Variants in PDE1A observed in about 807,000 individuals in gnomAD.
PDE1A encodes dual specificity calcium/calmodulin-dependent 3',5'-cyclic nucleotide phosphodiesterase 1A.
In PDE1A, 35 loss-of-function variants were observed where a neutral mutation model predicts 61.7. That is an observed-to-expected ratio of 0.57 (90% CI 0.43 to 0.75). PDE1A has a LOEUF of 0.75. Among genes scored for constraint, PDE1A ranks in the 30% least tolerant of loss-of-function variants. PDE1A has a pLI of 0.00. For synonymous variants in PDE1A, 232 were observed against 213.2 expected, an observed-to-expected ratio of 1.09 and a Z score of -0.77; for missense variants, 597 against 630.6, an observed-to-expected ratio of 0.95 and a Z score of 0.57.
intron 2 of PDE1A, among the ~76,000 whole-genome samples, chr2:182,248,325 G>T: frequency 6.6e-6 from 1 of 151,412 alleles, no homozygotes; most frequent in Non-Finnish European, 1.5e-5. Context: ...AGGAATATAT[G>T]TGTAAAATGT....
intron 2 of PDE1A, among the ~76,000 whole-genome samples, chr2:182,449,117 C>T (rs1428866743): frequency 1.3e-5 from 2 of 148,994 alleles, no homozygotes; most frequent in East Asian, 4.1e-4. Flanking sequence ...TCTAAATCTT[C>T]TTAGGATAGT....
rs371453359 is a variant in PDE1A at position 182,455,800 on chromosome 2, A to T, written c.101+66476T>A. On this transcript the variant is annotated intron_variant, in intron 2 of 14. Transcript: ENST00000410103. ...AGGGAAAGCATTAGGAGATATACCT[A>T]ATGCTAAATGACGAGTTAATGGGTG... Among the ~76,000 whole-genome samples, 6 of 152,202 alleles carry T rather than the reference A, an allele frequency of 3.9e-5. No individual in the cohort carries two copies. In the South Asian group the frequency reaches 1.2e-3, roughly 32 times the overall value.
chr2:182,439,046 T>C (rs1176383465), intron 2 of PDE1A, among the ~76,000 whole-genome samples: 1 of 152,010 alleles, frequency 6.6e-6, no homozygotes. Flanking sequence ...ACATAGGTTA[T>C]AGTGCATAAT....
intron 6 of PDE1A, among the ~76,000 whole-genome samples, chr2:182,228,303 TC>T (rs1689298366): frequency 6.6e-6 from 1 of 152,196 alleles, no homozygotes; most frequent in African/African-American, 2.4e-5. Flanking sequence ...TTAATTGCAA[TC>T]CCTTTCAGGA....
At chr2:182,222,286 G>A (rs192608462) in intron 7 of PDE1A, among the ~76,000 whole-genome samples, 38 of 152,062 alleles carry the variant, frequency 2.5e-4, no homozygotes, top group African/African-American at 8.4e-4. Flanking sequence ...AAATAACCCA[G>A]TCTGAAAGAA....
intron 2 of PDE1A, among the ~76,000 whole-genome samples, chr2:182,514,945 T>G (rs1690041182): frequency 6.6e-6 from 1 of 152,218 alleles, no homozygotes; most frequent in East Asian, 1.9e-4. Context: ...AATTCTGGTT[T>G]ATTTAGCCAC....
chr2:182,180,464 G>C (rs897127600), intron 13 of PDE1A, among the ~76,000 whole-genome samples: 3 of 152,148 alleles, frequency 2.0e-5, no homozygotes, highest in African/African-American at 7.2e-5. Context: ...CTGTTAGTCT[G>C]ATGAGCTTCC....
chr2:182,683,553 A>G, the PDE1A span, among the ~76,000 whole-genome samples: 2 of 152,230 alleles, frequency 1.3e-5, no homozygotes, highest in East Asian at 1.9e-4. Context: ...ATTTCTATAC[A>G]TCCTGCAAGT....
intron 2 of PDE1A, among the ~76,000 whole-genome samples, chr2:182,502,193 T>A (rs1189618916): frequency 2.6e-5 from 4 of 152,208 alleles, no homozygotes; most frequent in African/African-American, 9.6e-5. Flanking sequence ...TATCTGCAAA[T>A]GTTCCCAAAC....
At chr2:182,147,104 T>G in exon 14 of PDE1A, 2 of 1,608,764 alleles carry the variant, frequency 1.2e-6, no homozygotes, top group Non-Finnish European at 1.7e-6. Context: ...ATCATGTTTT[T>G]CTTCAGCATT....
chr2:182,186,541 AG>A lies in PDE1A; in HGVS notation c.1254del (p.Ser419GlnfsTer10). The A allele has an allele frequency of 6.2e-7, 1 of 1,612,946 alleles. No individual in the cohort carries two copies. The highest frequency in any genetic ancestry group is 8.5e-7 in the Non-Finnish European group (1 of 1,179,502). On this transcript the variant is annotated frameshift_variant, in exon 12 of 14. Transcript: ENST00000351439. LOFTEE classifies it high-confidence loss of function. ...AGAGGAATAACAATTTTCTCTGTTG[AG>A]TCTGTCAGAAGAGAAAATGTTGGCT... is the stretch of plus-strand genomic sequence containing the variant.
chr2:182,406,004 T>C (rs1482868259), intron 1 of PDE1A, among the ~76,000 whole-genome samples: 1 of 151,976 alleles, frequency 6.6e-6, no homozygotes, highest in African/African-American at 2.4e-5. Context: ...TATGGATCCA[T>C]CTTAGGTCAA....
At chr2:182,407,742 G>A (rs149741039) in intron 1 of PDE1A, among the ~76,000 whole-genome samples, 1,800 of 152,194 alleles carry the variant, frequency 0.012, 14 homozygotes, top group Non-Finnish European at 0.018. Context: ...AACAGAACTT[G>A]ACCAACCACT....
intron 2 of PDE1A, among the ~76,000 whole-genome samples, chr2:182,520,745 A>C (rs1486551870): frequency 6.6e-6 from 1 of 152,022 alleles, no homozygotes; most frequent in Non-Finnish European, 1.5e-5. Flanking sequence ...CATCCTTCTA[A>C]GGAGAAGAAA....
intron 2 of PDE1A, among the ~76,000 whole-genome samples, chr2:182,437,033 G>T (rs547100125): frequency 9.2e-5 from 14 of 152,010 alleles, no homozygotes; most frequent in Admixed American, 2.0e-4. Context: ...ACATTTATCT[G>T]GTTTGGGTCA....
the PDE1A span, among the ~76,000 whole-genome samples, chr2:182,541,704 A>C: frequency 6.6e-6 from 1 of 152,214 alleles, no homozygotes; most frequent in Admixed American, 6.5e-5. Flanking sequence ...AACCCATTAC[A>C]GACTGACCAT....
intron 13 of PDE1A, among the ~76,000 whole-genome samples, chr2:182,180,071 T>A (rs888418841): frequency 8.5e-5 from 13 of 152,194 alleles, no homozygotes; most frequent in African/African-American, 1.7e-4. Flanking sequence ...AAAGAAACTT[T>A]CATCTTCAGC....
chr2:182,472,357 C>A (rs529482882), intron 2 of PDE1A, among the ~76,000 whole-genome samples: 1 of 152,010 alleles, frequency 6.6e-6, no homozygotes, highest in Non-Finnish European at 1.5e-5. Flanking sequence ...TATATATACA[C>A]AATGAAATAC....
At chr2:182,416,957 T>C (rs143748057) in intron 1 of PDE1A, among the ~76,000 whole-genome samples, 45 of 152,278 alleles carry the variant, frequency 3.0e-4, no homozygotes, top group Non-Finnish European at 6.0e-4. Context: ...CAAACAGTAT[T>C]TTGGAAATGC....
Sources: gnomAD v4.1 joint callset for allele counts (sites outside exome capture counted in the v4.1 genomes callset) on GRCh38, gnomAD v4.1.1 for gene constraint, MANE v1.5 for transcripts, NCBI Gene and HGNC (gene_info 2026-07-23, HGNC 2026-07-21) for gene names.